Variants in FAM178B observed in about 807,000 individuals in gnomAD.
FAM178B encodes the protein family with sequence similarity 178 member B, also known as protein FAM178B.
In FAM178B, 82 loss-of-function variants were observed where a neutral mutation model predicts 91.7. The observed-to-expected ratio is 0.89, with a 90% CI of 0.75 to 1.07. The LOEUF (loss-of-function observed/expected upper bound fraction) is 1.07. Ranked by LOEUF, FAM178B falls within the 50% of genes least tolerant of loss-of-function variation. FAM178B has a pLI of 0.00. For synonymous variants in FAM178B, 368 were observed against 359.4 expected, an observed-to-expected ratio of 1.02 and a Z score of -0.27; for missense variants, 769 against 846.7, an observed-to-expected ratio of 0.91 and a Z score of 1.14.
In FAM178B at chr2:96,917,761, C is replaced by A. The variant is rs557591887; in HGVS notation, c.1562+3404G>T. Among the ~76,000 whole-genome samples the A allele has an allele frequency of 1.5e-4, 23 of 152,236 alleles. 1 individual carries two copies. The highest frequency in any genetic ancestry group is 5.5e-4 in the African/African-American group (23 of 41,530). ...GTCCTAGCTACTAAGGAGGTTGAGG[C>A]AGGAGGATTACTTGATCCCAAGAGG... is the stretch of plus-strand genomic sequence containing the variant. On this transcript the variant is annotated intron_variant, in intron 12 of 16. Transcript: ENST00000490605.
At chr2:96,894,891 A>G (rs1210983673) in intron 13 of FAM178B, among the ~76,000 whole-genome samples, 1 of 78,666 alleles carries the variant, frequency 1.3e-5, no homozygotes, top group African/African-American at 4.9e-5. Flanking sequence ...CATCCCCCCC[A>G]CAGACCCTCA....
At chr2:96,931,975 C>T (rs1395380729) in intron 8 of FAM178B, among the ~76,000 whole-genome samples, 1 of 152,038 alleles carries the variant, frequency 6.6e-6, no homozygotes, top group Non-Finnish European at 1.5e-5. Flanking sequence ...TGAGACTCCA[C>T]TGGAAAGAGA....
intron 1 of FAM178B, among the ~76,000 whole-genome samples, chr2:96,981,481 T>C (rs903399205): frequency 1.3e-5 from 2 of 152,174 alleles, no homozygotes; most frequent in Non-Finnish European, 2.9e-5. Flanking sequence ...TGGTGCTTTC[T>C]GTATCCTGTT....
At chr2:96,954,144 AG>A (rs2081966756) in intron 6 of FAM178B, among the ~76,000 whole-genome samples, 1 of 152,184 alleles carries the variant, frequency 6.6e-6, no homozygotes, top group Non-Finnish European at 1.5e-5. Flanking sequence ...GGAGAGACAG[AG>A]GGACAGAGCC....
At chr2:96,915,741 G>A (rs940898724) in intron 12 of FAM178B, among the ~76,000 whole-genome samples, 1 of 151,704 alleles carries the variant, frequency 6.6e-6, no homozygotes, top group Non-Finnish European at 1.5e-5. Context: ...GCTTAAACAC[G>A]GGAGGCGGAG....
intron 4 of FAM178B, among the ~76,000 whole-genome samples, chr2:96,968,895 C>T (rs561289909): frequency 6.6e-6 from 1 of 152,330 alleles, no homozygotes; most frequent in South Asian, 2.1e-4. Context: ...CATCTTCTGC[C>T]TCGCCCCTCC....
intron 12 of FAM178B, among the ~76,000 whole-genome samples, chr2:96,910,797 A>ATTT (rs200071141): frequency 7.3e-6 from 1 of 136,212 alleles, no homozygotes; most frequent in Non-Finnish European, 1.6e-5. Context: ...TCTCTTCTTA[A>ATTT]TTTTTTTTTT....
chr2:96,960,439 T>C lies in FAM178B; in HGVS notation c.736A>G (p.Met246Val). The C allele has an allele frequency of 6.5e-7, 1 of 1,539,854 alleles. No homozygotes were observed. The highest frequency in any genetic ancestry group is 8.8e-7 in the Non-Finnish European group (1 of 1,139,352). Reference protein sequence around the residue: ...EEVPLTPEHRMLVEKYSVSLQ... With the variant: ...EEVPLTPEHRVLVEKYSVSLQ... ...GACACTGAGTACTTTTCCACCAGCA[T>C]CCTGGCAAGGCAAGGGGCAGGAGGG... The change falls in exon 6 of 17, where the codon ATG becomes GTG. Residue 246 changes from methionine (M) to valine (V), a missense_variant and splice_region_variant. Physicochemically the swap from Met to Val is conservative, Grantham distance 21. Transcript: ENST00000490605.
intron 5 of FAM178B, among the ~76,000 whole-genome samples, chr2:96,966,781 T>C (rs1314898243): frequency 6.6e-6 from 1 of 152,164 alleles, no homozygotes; most frequent in Non-Finnish European, 1.5e-5. Context: ...GGTACCCTTA[T>C]GAAAGGGCCC....
At chr2:96,941,134 G>T (rs1025972844) in intron 8 of FAM178B, among the ~76,000 whole-genome samples, 5 of 152,280 alleles carry the variant, frequency 3.3e-5, no homozygotes, top group African/African-American at 1.2e-4. Context: ...ATTTTGTGCC[G>T]GGAAATAATC....
intron 6 of FAM178B, among the ~76,000 whole-genome samples, chr2:96,958,609 C>T (rs755705913): frequency 5.0e-5 from 7 of 141,012 alleles, no homozygotes; most frequent in African/African-American, 1.1e-4. Context: ...AGAATTGCTT[C>T]AGTCAGAGGG....
chr2:96,956,404 C>T (rs1054240565), intron 6 of FAM178B, among the ~76,000 whole-genome samples: 2 of 152,190 alleles, frequency 1.3e-5, no homozygotes, highest in African/African-American at 2.4e-5. Flanking sequence ...GGTTCTTGCA[C>T]ATAAACCTGG....
At chr2:96,911,468 C>A (rs1001904234) in intron 12 of FAM178B, among the ~76,000 whole-genome samples, 3 of 152,192 alleles carry the variant, frequency 2.0e-5, no homozygotes, top group Non-Finnish European at 4.4e-5. Flanking sequence ...CTGCAGGGAG[C>A]AGGGTGGCAT....
At chr2:96,934,941 G>T (rs573338336) in intron 8 of FAM178B, among the ~76,000 whole-genome samples, 1 of 152,310 alleles carries the variant, frequency 6.6e-6, no homozygotes, top group East Asian at 1.9e-4. Context: ...CCCCTGGCCT[G>T]CTTATTCACA....
At chr2:96,932,543 G>A (rs918343825) in intron 8 of FAM178B, among the ~76,000 whole-genome samples, 2 of 152,312 alleles carry the variant, frequency 1.3e-5, no homozygotes, top group South Asian at 2.1e-4. Context: ...AAACTCAGAT[G>A]TCAGGCTGCC....
At chr2:96,882,925 G>A (rs567413896) in intron 14 of FAM178B, among the ~76,000 whole-genome samples, 4 of 152,342 alleles carry the variant, frequency 2.6e-5, no homozygotes, top group East Asian at 1.9e-4. Flanking sequence ...GGGCATGCCC[G>A]GACCCAATAC....
At chr2:96,925,440 CT>C (rs1196381401) in intron 9 of FAM178B, among the ~76,000 whole-genome samples, 1 of 152,190 alleles carries the variant, frequency 6.6e-6, no homozygotes, top group Non-Finnish European at 1.5e-5. Context: ...CTAATCCTCG[CT>C]TTTCAGAGGA....
rs1008170565 is a variant in FAM178B, at chr2:96,886,687, G to A, written c.1776+7239C>T. Among the ~76,000 whole-genome samples the A allele has an allele frequency of 5.3e-5, 8 of 152,364 alleles. No homozygotes were observed. In the East Asian group the frequency reaches 1.3e-3, roughly 26 times the overall value. On this transcript the variant is annotated intron_variant, in intron 14 of 16. Transcript: ENST00000490605. The stretch of plus-strand genomic sequence containing the variant: ...AGACAGGGAAGAAGGGACAGAAAAC[G>A]TGATGCGCAGAGAGCACTTGAGAAG...
intron 14 of FAM178B, 94 bp from the exon 15 acceptor site, chr2:96,878,587 G>A (rs1019551692): frequency 6.1e-6 from 7 of 1,144,262 alleles, no homozygotes; most frequent in South Asian, 1.3e-5. Context: ...CTCAGGCTTG[G>A]CAGGCCAGGC....
Sources: gnomAD v4.1 joint callset for allele counts (sites outside exome capture counted in the v4.1 genomes callset) on GRCh38, gnomAD v4.1.1 for gene constraint, MANE v1.5 for transcripts, NCBI Gene and HGNC (gene_info 2026-07-23, HGNC 2026-07-21) for gene names.